The following CR1L variants were observed in gnomAD, a reference collection of about 807,000 sequenced individuals.
CR1L encodes complement component receptor 1-like protein.
CR1L carries 59 observed loss-of-function variants against 62.3 expected under a neutral mutation model. That is an observed-to-expected ratio of 0.95 (90% CI 0.77 to 1.18). The LOEUF (loss-of-function observed/expected upper bound fraction) is 1.18, where lower values mean the gene tolerates loss of function less well. Among genes scored for constraint, CR1L ranks in the 50% most tolerant of loss-of-function variants. The pLI is 0.00. For synonymous variants in CR1L, 279 were observed against 248.7 expected (o/e 1.12, Z -1.15); for missense variants, 700 against 702.8 (o/e 1.00, Z 0.04).
chr1:207,703,008 C>G (rs919285780), intron 9 of CR1L, among the ~76,000 whole-genome samples: 1 of 152,114 alleles, frequency 6.6e-6, no homozygotes, highest in African/African-American at 2.4e-5. Flanking sequence ...AACTTGAACC[C>G]GGGAAGCAGA....
chr1:207,672,091 A>G (rs1350073004), intron 1 of CR1L, among the ~76,000 whole-genome samples: 1 of 150,942 alleles, frequency 6.6e-6, no homozygotes, highest in Non-Finnish European at 1.5e-5. Flanking sequence ...GAAACAGATC[A>G]TCAGAGTCGA....
At chr1:207,679,176 T>TTG (rs1663755727) in intron 3 of CR1L, among the ~76,000 whole-genome samples, 1 of 142,256 alleles carries the variant, frequency 7.0e-6, no homozygotes, top group African/African-American at 2.7e-5. Flanking sequence ...TTTTTTTTTT[T>TTG]GTATTTTTAG....
At chr1:207,703,395 C>T (rs1171799812) in intron 9 of CR1L, among the ~76,000 whole-genome samples, 1 of 152,118 alleles carries the variant, frequency 6.6e-6, no homozygotes, top group Non-Finnish European at 1.5e-5. Context: ...ATGTACCTTG[C>T]CTGTGTCTAT....
chr1:207,678,661 G>A (rs1663745598), intron 3 of CR1L, among the ~76,000 whole-genome samples: 4 of 152,204 alleles, frequency 2.6e-5, no homozygotes, highest in Admixed American at 2.6e-4. Flanking sequence ...AAATCTTAAT[G>A]GTCATAGCAC....
At chr1:207,664,356 T>C (rs1663475861) in intron 1 of CR1L, among the ~76,000 whole-genome samples, 1 of 152,226 alleles carries the variant, frequency 6.6e-6, no homozygotes, top group Non-Finnish European at 1.5e-5. Flanking sequence ...ATATATTTCC[T>C]ATCTCCCTAA....
In CR1L at chr1:207,676,036, T is replaced by G. The variant is rs79747122; in HGVS notation, c.98-1353T>G. On this transcript the variant is annotated intron_variant, in intron 1 of 11. Coordinates refer to ENST00000508064, the MANE Select transcript of CR1L (RefSeq NM_175710.2). ...ACTGAATCTGAGTGTCCACTGAGTG[T>G]GAAGGTGGATGGTAAAATGCATGAG... 5.9e-5 allele frequency among the ~76,000 whole-genome samples: 9 copies of G among 152,112 alleles called. No individual in the cohort carries two copies. In the East Asian group the frequency reaches 1.4e-3, roughly 23 times the overall value.
chr1:207,677,956 A>G (rs1663725507), intron 2 of CR1L, among the ~76,000 whole-genome samples: 1 of 152,240 alleles, frequency 6.6e-6, no homozygotes, highest in Non-Finnish European at 1.5e-5. Flanking sequence ...ACAGATAATA[A>G]CGAAGTTTAC....
chr1:207,682,476 A>ATAT (rs1402065354), intron 3 of CR1L, among the ~76,000 whole-genome samples: 1 of 152,128 alleles, frequency 6.6e-6, no homozygotes, highest in South Asian at 2.1e-4. Flanking sequence ...AATAATAATA[A>ATAT]TAAATAACCA....
chr1:207,685,109 T>A lies in CR1L; in HGVS notation c.463+1152T>A, dbSNP rs561764463. Among the ~76,000 whole-genome samples the A allele has an allele frequency of 3.4e-3, 523 of 152,304 alleles. 1 individual carries two copies. Among genetic ancestry groups the A allele is most frequent in the Non-Finnish European group, 6.4e-3 (436 of 68,022 alleles). ...ATTTTCTTGGAAATATTAAAAAAAATTAGTAAAATAGAAAAAACAAACAAT... is the reference window on the plus strand; with the variant it reads ...ATTTTCTTGGAAATATTAAAAAAAAATAGTAAAATAGAAAAAACAAACAAT... On this transcript the variant is annotated intron_variant, in intron 4 of 11. Transcript: ENST00000508064.
In CR1L at chr1:207,689,005, T is replaced by C. The variant is rs1005077270; in HGVS notation, c.463+5048T>C. 2.0e-4 allele frequency among the ~76,000 whole-genome samples: 31 copies of C among 152,196 alleles called. 1 individual carries two copies. Among genetic ancestry groups the C allele is most frequent in the African/African-American group, 7.5e-4 (31 of 41,470 alleles). On this transcript the variant is annotated intron_variant, in intron 4 of 11. Coordinates refer to ENST00000508064, the MANE Select transcript of CR1L (RefSeq NM_175710.2). ...ATCTTTTCCTTTCTTATGTCTTTTG[T>C]TTATTTCATCTGCTTTATTGCATTG...
chr1:207,697,384 C>T, intron 5 of CR1L, 119 bp from the exon 6 acceptor site: 1 of 1,585,702 alleles, frequency 6.3e-7, no homozygotes, highest in Non-Finnish European at 8.6e-7. Context: ...TGTAATAAGG[C>T]TGTTATTCTA....
At chr1:207,710,214 C>T (rs1197741032) in intron 10 of CR1L, among the ~76,000 whole-genome samples, 4 of 151,894 alleles carry the variant, frequency 2.6e-5, no homozygotes, top group Admixed American at 1.3e-4. Context: ...TACGGTGGTG[C>T]GTGCCTGTAA....
intron 1 of CR1L, among the ~76,000 whole-genome samples, chr1:207,650,243 C>G (rs1663202273): frequency 6.6e-6 from 1 of 152,134 alleles, no homozygotes; most frequent in African/African-American, 2.4e-5. Flanking sequence ...GGGGGACCTG[C>G]AGAATGGAAT....
intron 1 of CR1L, among the ~76,000 whole-genome samples, chr1:207,668,836 T>G (rs947098111): frequency 6.6e-6 from 1 of 151,024 alleles, no homozygotes; most frequent in Non-Finnish European, 1.5e-5. Flanking sequence ...CTGGCTGGTC[T>G]CCCCTCTCCA....
chr1:207,715,233 C>T, intron 10 of CR1L: 2 of 809,686 alleles, frequency 2.5e-6, no homozygotes, highest in South Asian at 2.7e-5. Context: ...AGTGAGGAAG[C>T]TGAGCATCTA....
chr1:207,711,534 A>G (rs575532141), intron 10 of CR1L: 9 of 152,756 alleles, frequency 5.9e-5, no homozygotes, highest in Non-Finnish European at 1.2e-4. Context: ...TGCCATGGCA[A>G]CGATCTGGAA....
intron 1 of CR1L, among the ~76,000 whole-genome samples, chr1:207,649,212 G>C (rs566709297): frequency 2.0e-5 from 3 of 152,156 alleles, no homozygotes; most frequent in Non-Finnish European, 2.9e-5. Context: ...TGTAGCTACC[G>C]GCCAGGGAGG....
chr1:207,679,153 ATTTT>A (rs34703217), intron 3 of CR1L, among the ~76,000 whole-genome samples: 58 of 90,288 alleles, frequency 6.4e-4, no homozygotes, highest in South Asian at 4.2e-4. Context: ...GCCCACCACC[ATTTT>A]TTTTTTTTTT....
At chr1:207,696,098 C>T (rs190347235) in intron 5 of CR1L, among the ~76,000 whole-genome samples, 2 of 152,126 alleles carry the variant, frequency 1.3e-5, no homozygotes, top group Non-Finnish European at 2.9e-5. Flanking sequence ...GATCAGGGAG[C>T]TGCTGTGGCT....
Sources: allele counts gnomAD v4.1 joint callset (sites outside exome capture counted in the v4.1 genomes callset), GRCh38; gene constraint gnomAD v4.1.1; transcripts MANE v1.5; gene names NCBI Gene and HGNC (gene_info 2026-07-23, HGNC 2026-07-21).